Variants in NPAS3 observed in about 807,000 individuals in gnomAD.
NPAS3 encodes neuronal PAS domain protein 3.
NPAS3 carries 14 observed loss-of-function variants against 73.1 expected under a neutral mutation model. That is an observed-to-expected ratio of 0.19 (90% CI 0.13 to 0.30). NPAS3 has a LOEUF of 0.30. Among genes scored for constraint, NPAS3 ranks in the 10% least tolerant of loss-of-function variants. The pLI is 1.00. For synonymous variants in NPAS3, 620 were observed against 541.5 expected (o/e 1.14, Z -2.01); for missense variants, 1,096 against 1,250.0 (o/e 0.88, Z 1.86).
chr14:33,134,425 A>G (rs762357937), intron 2 of NPAS3, among the ~76,000 whole-genome samples: 6 of 152,112 alleles, frequency 3.9e-5, no homozygotes, highest in Non-Finnish European at 8.8e-5. Flanking sequence ...TTTTACATCA[A>G]AATAACACTT....
At chr14:33,197,088 T>C (rs1351828764) in intron 2 of NPAS3, among the ~76,000 whole-genome samples, 1 of 152,208 alleles carries the variant, frequency 6.6e-6, no homozygotes, top group Non-Finnish European at 1.5e-5. Flanking sequence ...CACTTGCTCT[T>C]TGCCCTTATG....
chr14:33,301,540 C>G (rs1032147446), intron 3 of NPAS3, among the ~76,000 whole-genome samples: 2 of 151,834 alleles, frequency 1.3e-5, no homozygotes, highest in African/African-American at 4.8e-5. Flanking sequence ...TCCACCAGAC[C>G]TCCCAAAGCT....
At chr14:33,505,673 G>A (rs376701706) in intron 4 of NPAS3, among the ~76,000 whole-genome samples, 8 of 151,738 alleles carry the variant, frequency 5.3e-5, no homozygotes, top group East Asian at 3.9e-4. Flanking sequence ...ATTCAAAACC[G>A]GAAAAAAAGA....
intron 4 of NPAS3, among the ~76,000 whole-genome samples, chr14:33,433,392 T>C (rs1481461976): frequency 6.6e-6 from 1 of 152,204 alleles, no homozygotes; most frequent in Admixed American, 6.5e-5. Context: ...TCTTTGAACT[T>C]ACAGAGACTG....
At chr14:33,680,632 T>C in intron 6 of NPAS3, 1 of 702,734 alleles carries the variant, frequency 1.4e-6, no homozygotes, top group East Asian at 2.7e-5. Flanking sequence ...GAGTGATCAG[T>C]TTCTTCTGTA....
At chr14:33,652,531 G>A (rs756106474) in intron 5 of NPAS3, among the ~76,000 whole-genome samples, 1 of 152,136 alleles carries the variant, frequency 6.6e-6, no homozygotes, top group Non-Finnish European at 1.5e-5. Context: ...CCAGGGGCTC[G>A]CAGAGCCCAA....
chr14:33,627,085 C>T (rs2058242858), intron 5 of NPAS3, among the ~76,000 whole-genome samples: 1 of 151,654 alleles, frequency 6.6e-6, no homozygotes, highest in African/African-American at 2.4e-5. Flanking sequence ...AATTTTTATT[C>T]AGAGGGGATG....
rs144824291 is a variant in NPAS3, at chr14:33,510,373, G to C, written c.469-49748G>C. Among the ~76,000 whole-genome samples, 387 of 152,146 alleles carry C rather than the reference G, an allele frequency of 2.5e-3. 2 individuals are homozygous for C. Among genetic ancestry groups the C allele is most frequent in the African/African-American group, 8.0e-3 (334 of 41,534 alleles). On this transcript the variant is annotated intron_variant, in intron 4 of 11. Coordinates refer to ENST00000356141, the Ensembl canonical transcript of NPAS3. ...CTTTCACAATCGCTGCTATGATTCA[G>C]AGGTTGTCTGGAAAGTTCAGTAGCC...
chr14:33,124,317 T>C (rs2043347623), intron 2 of NPAS3, among the ~76,000 whole-genome samples: 1 of 152,112 alleles, frequency 6.6e-6, no homozygotes, highest in African/African-American at 2.4e-5. Context: ...TTCCTCTGCA[T>C]TGTAGAGGCA....
chr14:33,696,247 A>G (rs978384248), intron 6 of NPAS3, among the ~76,000 whole-genome samples: 4 of 152,210 alleles, frequency 2.6e-5, no homozygotes, highest in Non-Finnish European at 5.9e-5. Context: ...AGTAAATGAA[A>G]TCCTTTAATG....
In NPAS3 at chr14:33,650,163, T is replaced by C. The variant is rs564688263; in HGVS notation, c.559-26048T>C. Reference sequence around the variant, plus strand: ...CAGACCTCACTTCGAGAAAACTCTATAAGGAAAGCAAAGAAAATCTTGCGC... The same window carrying C: ...CAGACCTCACTTCGAGAAAACTCTACAAGGAAAGCAAAGAAAATCTTGCGC... On this transcript the variant is annotated intron_variant, in intron 5 of 11. Coordinates refer to ENST00000356141, the Ensembl canonical transcript of NPAS3. 1.9e-4 allele frequency among the ~76,000 whole-genome samples: 29 copies of C among 152,276 alleles called. 1 individual carries two copies. Among genetic ancestry groups the C allele is most frequent in the Admixed American group, 6.5e-4 (10 of 15,296 alleles).
At chr14:33,331,490 T>C (rs147011448) in intron 3 of NPAS3, among the ~76,000 whole-genome samples, 4 of 152,290 alleles carry the variant, frequency 2.6e-5, no homozygotes, top group African/African-American at 7.2e-5. Flanking sequence ...TATACCAAAT[T>C]GGCCTAGATT....
chr14:33,518,498 C>G (rs2053407857), intron 4 of NPAS3, among the ~76,000 whole-genome samples: 1 of 151,894 alleles, frequency 6.6e-6, no homozygotes, highest in Non-Finnish European at 1.5e-5. Context: ...GAGAAAAAGG[C>G]AAAGAGAGCT....
At chr14:33,182,595 G>A (rs186563176) in intron 2 of NPAS3, among the ~76,000 whole-genome samples, 386 of 152,024 alleles carry the variant, frequency 2.5e-3, no homozygotes, top group African/African-American at 8.5e-3. Context: ...TATTTTTCTT[G>A]CCTTTAAATT....
intron 2 of NPAS3, among the ~76,000 whole-genome samples, chr14:33,169,135 A>G (rs2045288505): frequency 1.3e-5 from 2 of 152,240 alleles, no homozygotes; most frequent in South Asian, 4.1e-4. Context: ...CAAGATGGCA[A>G]AATGATAGCT....
intron 2 of NPAS3, among the ~76,000 whole-genome samples, chr14:33,130,955 C>T (rs1004436144): frequency 2.0e-4 from 30 of 152,202 alleles, no homozygotes; most frequent in African/African-American, 6.7e-4. Context: ...GAAGGGACAA[C>T]GGAAGCCTCA....
At chr14:33,115,879 T>A (rs2043047705) in intron 2 of NPAS3, among the ~76,000 whole-genome samples, 1 of 152,080 alleles carries the variant, frequency 6.6e-6, no homozygotes, top group African/African-American at 2.4e-5. Flanking sequence ...CTATGATAGA[T>A]CCTTGATTTG....
At chr14:33,076,122 C>G (rs1595387069) in intron 2 of NPAS3, among the ~76,000 whole-genome samples, 1 of 152,082 alleles carries the variant, frequency 6.6e-6, no homozygotes, top group Non-Finnish European at 1.5e-5. Context: ...CTCACAAAAC[C>G]TGAAAACACG....
intron 7 of NPAS3, among the ~76,000 whole-genome samples, chr14:33,740,918 C>T (rs1403675949): frequency 2.0e-5 from 3 of 152,022 alleles, no homozygotes; most frequent in South Asian, 2.1e-4. Context: ...TGGAAAAACT[C>T]CATGATTTCT....
Sources: gnomAD v4.1 joint callset for allele counts (sites outside exome capture counted in the v4.1 genomes callset) on GRCh38, gnomAD v4.1.1 for gene constraint, MANE v1.5 for transcripts, NCBI Gene and HGNC (gene_info 2026-07-23, HGNC 2026-07-21) for gene names.